The following S1PR2 variants were observed in gnomAD, a reference collection of about 807,000 sequenced individuals.
S1PR2 encodes the protein sphingosine-1-phosphate receptor 2, also known as sphingosine 1-phosphate receptor 2.
A neutral mutation model predicts 16.1 loss-of-function variants in S1PR2; 9 were observed. The ratio of observed to expected loss-of-function variants is 0.56; its 90% CI spans 0.34 to 0.98. The LOEUF (loss-of-function observed/expected upper bound fraction) is 0.98. Among genes scored for constraint, S1PR2 ranks in the 50% least tolerant of loss-of-function variants. The pLI is 0.02. For missense variants in S1PR2, 361 were observed against 488.4 expected, an observed-to-expected ratio of 0.74 and a Z score of 2.46; for synonymous variants, 224 against 233.9, an observed-to-expected ratio of 0.96 and a Z score of 0.38.
rs748604714 is a variant in S1PR2 at position 10,224,004 on chromosome 19, C to T, written c.902G>A (p.Arg301Gln). The T allele has an allele frequency of 1.5e-5, 24 of 1,611,886 alleles. No homozygotes were observed. The highest frequency in any genetic ancestry group is 4.5e-5 in the East Asian group (2 of 44,878). The change falls in exon 2 of 2, where the codon CGG (arginine) becomes CAG (glutamine). Residue 301 changes from arginine (R) to glutamine (Q), a missense_variant. Arg to Gln is a conservative substitution (Grantham distance 43). Transcript: ENST00000646641. The stretch of plus-strand genomic sequence containing the variant: ...CCCCGGCCTCCAGCACTGCAGCGGC[C>T]GAAGCACCTCCCGCCGCAGGTCCCG... ...RSRDLRREVL[R>Q]PLQCWRPGVG...
chr19:10,224,583 C>A lies in S1PR2; in HGVS notation c.323G>T (p.Arg108Leu). The A allele has an allele frequency of 6.2e-7, 1 of 1,613,954 alleles. No individual in the cohort carries two copies. Among genetic ancestry groups the A allele is most frequent in the Non-Finnish European group, 8.5e-7 (1 of 1,180,040 alleles). The part of the protein sequence containing the change: ...LRLTPVQWFA[R>L]EGSAFITLSA... ...GAGCGTGATGAAGGCAGAGCCCTCC[C>A]GGGCAAACCACTGCACAGGCGTCAG... is the stretch of plus-strand genomic sequence containing the variant. Residue 108 changes from arginine (R) to leucine (L), a missense_variant, in exon 2 of 2, where the codon CGG becomes CTG. By Grantham distance (102) the Arg-to-Leu change is moderately radical. Coordinates refer to ENST00000646641, the MANE Select transcript of S1PR2 (RefSeq NM_004230.4).
At chr19:10,224,981 G>A (rs1238930751) in intron 1 of S1PR2, 34 bp from the exon 2 acceptor site, 16 of 1,228,670 alleles carry the variant, frequency 1.3e-5, no homozygotes, top group African/African-American at 3.0e-5. Context: ...ACAGACAATA[G>A]GTCAGAGCTG....
Position 10,223,765 on chromosome 19 carries a change from C to T in S1PR2, c.*79G>A. On this transcript the variant is annotated 3_prime_UTR_variant, in exon 2 of 2. Coordinates refer to ENST00000646641, the MANE Select transcript of S1PR2 (RefSeq NM_004230.4). ...GCGGGGGCATCTGGCTCAGTAGCCC[C>T]AAGTCTCTATCTGGGGTCACCCAGT... The T allele has an allele frequency of 7.5e-7, 1 of 1,331,498 alleles. No homozygotes were observed. Among genetic ancestry groups the T allele is most frequent in the Non-Finnish European group, 1.0e-6 (1 of 974,556 alleles). The allele number at this position is 1,331,498 out of a possible 1,614,324, so 82.5% of individuals were successfully genotyped here.
chr19:10,224,808 C>CT lies in S1PR2; in HGVS notation c.97_98insA (p.Arg33GlnfsTer97). Reference sequence around the variant, plus strand: ...GACGATGAAGGCCGAGGCCACCTGGCGGGAGGTCGTCTCCTGCGTTTCCAG... The same window carrying CT: ...GACGATGAAGGCCGAGGCCACCTGGCTGGGAGGTCGTCTCCTGCGTTTCCAG... On this transcript the variant is annotated frameshift_variant, in exon 2 of 2. Coordinates refer to ENST00000646641, the MANE Select transcript of S1PR2 (RefSeq NM_004230.4). LOFTEE classifies it high-confidence loss of function. 1 of 1,614,246 alleles carries CT rather than the reference C, an allele frequency of 6.2e-7. No homozygotes were observed.
rs779228186 is a variant in S1PR2, at chr19:10,223,168, C to CAAAAAAA, written c.*669_*675dup. Reference sequence around the variant, plus strand: ...TGGGCAACAGAGCGAGACTTCATCTCAAAAAAAAAAAAAAAAAAAAAAAAA... The same window carrying CAAAAAAA: ...TGGGCAACAGAGCGAGACTTCATCTCAAAAAAAAAAAAAAAAAAAAAAAAAAAAAAAA... On this transcript the variant is annotated 3_prime_UTR_variant, in exon 2 of 2. Transcript: ENST00000646641. 3.2e-5 allele frequency: 1 copy of CAAAAAAA among 31,360 alleles called. No individual in the cohort carries two copies. Among genetic ancestry groups the CAAAAAAA allele is most frequent in the African/African-American group, 1.8e-4 (1 of 5,514 alleles). 1.9% of individuals were successfully genotyped at this position (31,360 alleles called of 1,614,324 possible). A position where few individuals can be genotyped will look rare whatever the true frequency, so the allele number is the denominator to read the frequency against.
chr19:10,226,646 G>A (rs1410415595), intron 1 of S1PR2, among the ~76,000 whole-genome samples: 1 of 152,182 alleles, frequency 6.6e-6, no homozygotes, highest in African/African-American at 2.4e-5. Context: ...GGGACAGAAG[G>A]TCCTGCCGGG....
chr19:10,229,285 CA>C (rs199954759), intron 1 of S1PR2, among the ~76,000 whole-genome samples: 20 of 147,138 alleles, frequency 1.4e-4, no homozygotes, highest in South Asian at 4.2e-4. Context: ...CTCTTTTTCT[CA>C]AAAAAAAAAT....
At chr19:10,229,600 T>A (rs2039656609) in intron 1 of S1PR2, among the ~76,000 whole-genome samples, 1 of 152,074 alleles carries the variant, frequency 6.6e-6, no homozygotes, top group Admixed American at 6.6e-5. Flanking sequence ...TTTCCTCAAA[T>A]CTTTGAATGA....
chr19:10,223,884 G>T lies in S1PR2; in HGVS notation c.1022C>A (p.Pro341His). Residue 341 changes from proline (P) to histidine (H), a missense_variant, in exon 2 of 2, where the codon CCC becomes CAC. Transcript: ENST00000646641. ...SSSLERGMHM[P>H]TSPTFLEGNT... ...GCCCTCCAGAAACGTGGGTGACGTG[G>T]GCATGTGCATGCCCCTCTCCAGGGA... The T allele has an allele frequency of 6.4e-7, 1 of 1,564,646 alleles. No individual in the cohort carries two copies. Among genetic ancestry groups the T allele is most frequent in the Non-Finnish European group, 8.6e-7 (1 of 1,156,082 alleles).
chr19:10,230,874 C>G (rs1221892668), intron 1 of S1PR2, among the ~76,000 whole-genome samples: 1 of 152,298 alleles, frequency 6.6e-6, no homozygotes, highest in African/African-American at 2.4e-5. Flanking sequence ...TGCCCCCCCC[C>G]AAACACACTC....
chr19:10,227,262 A>G (rs2145443418), intron 1 of S1PR2, among the ~76,000 whole-genome samples: 1 of 152,256 alleles, frequency 6.6e-6, no homozygotes, highest in Admixed American at 6.5e-5. Flanking sequence ...GCACCGTTCC[A>G]GAAAAGTCTG....
chr19:10,227,528 T>C (rs1158415639), intron 1 of S1PR2, among the ~76,000 whole-genome samples: 1 of 152,214 alleles, frequency 6.6e-6, no homozygotes, highest in Non-Finnish European at 1.5e-5. Flanking sequence ...CCCGGGCATC[T>C]TGATGCCCTC....
intron 1 of S1PR2, among the ~76,000 whole-genome samples, chr19:10,230,757 C>A (rs2039670548): frequency 6.6e-6 from 1 of 152,352 alleles, no homozygotes; most frequent in African/African-American, 2.4e-5. Context: ...AGGCAGAAAG[C>A]CCGACGTCCG....
In S1PR2 at chr19:10,223,591, T is replaced by TG. The variant is rs1599234503; in HGVS notation, c.*252dup. On this transcript the variant is annotated 3_prime_UTR_variant, in exon 2 of 2. Transcript: ENST00000646641. ...CTGGCTCTTCACAGGTCCCCTGCCC[T>TG]GGCCTCCCCAGGATCCAGTTCTAAA... 1.3e-5 allele frequency: 6 copies of TG among 460,102 alleles called. No homozygotes were observed. Among genetic ancestry groups the TG allele is most frequent in the Middle Eastern group, 5.6e-4 (1 of 1,798 alleles). 28.5% of individuals were successfully genotyped at this position (460,102 alleles called of 1,614,324 possible).
chr19:10,226,818 G>A (rs1030371164), intron 1 of S1PR2, among the ~76,000 whole-genome samples: 34 of 152,266 alleles, frequency 2.2e-4, no homozygotes, highest in African/African-American at 7.9e-4. Context: ...GGGAGGTCCT[G>A]GCTGGGAGGA....
At chr19:10,230,226 C>T (rs2039662786) in intron 1 of S1PR2, among the ~76,000 whole-genome samples, 1 of 152,334 alleles carries the variant, frequency 6.6e-6, no homozygotes, top group Admixed American at 6.5e-5. Context: ...TTTAGGAATG[C>T]GCGGTATCCA....
In S1PR2 at chr19:10,224,275, G is replaced by C; in HGVS notation, c.631C>G (p.Arg211Gly). The change falls in exon 2 of 2, where the codon CGC becomes GGC. Residue 211 changes from arginine (R) to glycine (G), a missense_variant. Physicochemically the swap from Arg to Gly is moderately radical, Grantham distance 125. Transcript: ENST00000646641. Reference sequence around the variant, plus strand: ...CTTGAGCGGACCACGCAGTAGATGCGCACGTACAGGGCCACGATGGCCAAC... The same window carrying C: ...CTTGAGCGGACCACGCAGTAGATGCCCACGTACAGGGCCACGATGGCCAAC... ...ILLAIVALYV[R>G]IYCVVRSSHA... The C allele has an allele frequency of 2.5e-6, 4 of 1,614,020 alleles. No homozygotes were observed. The highest frequency in any genetic ancestry group is 3.4e-6 in the Non-Finnish European group (4 of 1,180,052).
At position 10,223,741 on chromosome 19, in the gene S1PR2, C is replaced by G. The variant is rs574009566; in HGVS notation, c.*103G>C. 1 of 1,059,922 alleles carries G rather than the reference C, an allele frequency of 9.4e-7. No individual in the cohort carries two copies. The highest frequency in any genetic ancestry group is 2.5e-5 in the East Asian group (1 of 39,668). 65.7% of individuals were successfully genotyped at this position (1,059,922 alleles called of 1,614,324 possible). ...TGCAACATCACCCAGGTCTGTGGGG[C>G]GGGGGCATCTGGCTCAGTAGCCCCA... On this transcript the variant is annotated 3_prime_UTR_variant, in exon 2 of 2. Transcript: ENST00000646641.
intron 1 of S1PR2, among the ~76,000 whole-genome samples, chr19:10,230,770 C>A (rs1213378004): frequency 6.6e-6 from 1 of 152,234 alleles, no homozygotes; most frequent in Admixed American, 6.5e-5. Context: ...GACGTCCGAC[C>A]GCCCTCCCCG....
Sources: allele counts gnomAD v4.1 joint callset (sites outside exome capture counted in the v4.1 genomes callset), GRCh38; gene constraint gnomAD v4.1.1; transcripts MANE v1.5; gene names NCBI Gene and HGNC (gene_info 2026-07-23, HGNC 2026-07-21).